ARHGEF11: variants seen among roughly 807,000 people sequenced by gnomAD.
ARHGEF11 encodes Rho guanine exchange factor (GEF) 11.
ARHGEF11 carries 55 observed loss-of-function variants against 193.7 expected under a neutral mutation model. That is an observed-to-expected ratio of 0.28 (90% CI 0.23 to 0.36). ARHGEF11 has a LOEUF of 0.36. Ranked by LOEUF, ARHGEF11 falls within the 10% of genes least tolerant of loss-of-function variation. The pLI is 1.00. For synonymous variants in ARHGEF11, 693 were observed against 768.0 expected, an observed-to-expected ratio of 0.90 and a Z score of 1.62; for missense variants, 1,723 against 2,005.6, an observed-to-expected ratio of 0.86 and a Z score of 2.69.
intron 1 of ARHGEF11, among the ~76,000 whole-genome samples, chr1:156,999,035 C>A: frequency 6.6e-6 from 1 of 152,114 alleles, no homozygotes; most frequent in East Asian, 1.9e-4. Context: ...TGGAGGCTGC[C>A]CCAGCAGGAG....
chr1:156,976,822 T>C (rs1413906241), intron 7 of ARHGEF11, among the ~76,000 whole-genome samples, 161 bp downstream of exon 7: 1 of 152,264 alleles, frequency 6.6e-6, no homozygotes, highest in Non-Finnish European at 1.5e-5. Flanking sequence ...CAAATTCTAC[T>C]GGCCAATGAC....
intron 1 of ARHGEF11, among the ~76,000 whole-genome samples, chr1:157,007,268 G>A (rs1485187686): frequency 1.3e-5 from 2 of 152,182 alleles, no homozygotes; most frequent in Non-Finnish European, 2.9e-5. Flanking sequence ...AGAATAAAAT[G>A]GCTGGGGATA....
chr1:156,971,252 T>G (rs558371304), intron 8 of ARHGEF11, among the ~76,000 whole-genome samples: 2 of 152,234 alleles, frequency 1.3e-5, no homozygotes, highest in Non-Finnish European at 2.9e-5. Flanking sequence ...GGGTCTTTTA[T>G]GTAGTCTGAC....
intron 1 of ARHGEF11, 67 bp downstream of exon 1, chr1:157,044,232 T>C: frequency 2.0e-6 from 3 of 1,480,712 alleles, no homozygotes; most frequent in Non-Finnish European, 2.8e-6. Context: ...TTTATTAAAA[T>C]GCAACACCAC....
At chr1:156,991,710 ATTTTTTTT>A (rs57140356) in intron 1 of ARHGEF11, among the ~76,000 whole-genome samples, 1 of 83,956 alleles carries the variant, frequency 1.2e-5, no homozygotes, top group Non-Finnish European at 2.3e-5. Flanking sequence ...TTTCAAGCTT[ATTTTTTTT>A]TTTTTTTTTT....
chr1:156,939,673 G>C lies in ARHGEF11; in HGVS notation c.3971C>G (p.Ser1324Cys). 1.2e-6 allele frequency: 2 copies of C among 1,614,052 alleles called. No individual in the cohort carries two copies. The highest frequency in any genetic ancestry group is 1.7e-6 in the Non-Finnish European group (2 of 1,180,034). Reference protein sequence around the residue: ...RPEQEDMGLCSLEHLPPRTRN... With the variant: ...RPEQEDMGLCCLEHLPPRTRN... ...GGTCCTTGGGGGTAGGTGTTCCAGA[G>C]AACAGAGACCCATGTCTTCCTGCTC... The change falls in exon 37 of 41, where the codon TCT becomes TGT. Residue 1324 changes from serine (S) to cysteine (C), a missense_variant. Transcript: ENST00000368194.
At chr1:157,046,254 T>TG (rs1249597668), upstream of ARHGEF11, among the ~76,000 whole-genome samples, 23 of 135,188 alleles carry the variant, frequency 1.7e-4, no homozygotes, top group Non-Finnish European at 3.1e-4. Context: ...CCGCCACCCC[T>TG]GCCGCCTTTT....
intron 1 of ARHGEF11, among the ~76,000 whole-genome samples, chr1:157,019,200 A>G (rs1168326997): frequency 6.6e-6 from 1 of 152,216 alleles, no homozygotes; most frequent in East Asian, 1.9e-4. Flanking sequence ...TGCAAATTTA[A>G]ACAAGTTTTA....
chr1:157,040,073 C>A (rs866433806), intron 1 of ARHGEF11, among the ~76,000 whole-genome samples: 1 of 152,148 alleles, frequency 6.6e-6, no homozygotes, highest in Non-Finnish European at 1.5e-5. Context: ...AATAAAAGGG[C>A]ACTCTTTCAG....
At chr1:157,006,579 T>C (rs1345652819) in intron 1 of ARHGEF11, among the ~76,000 whole-genome samples, 1 of 152,190 alleles carries the variant, frequency 6.6e-6, no homozygotes, top group East Asian at 1.9e-4. Flanking sequence ...TGCTCTCTGA[T>C]CCTGTGTGCC....
rs767137959 is a variant in ARHGEF11 at position 156,944,315 on chromosome 1, C to A, written c.3067+43G>T. The A allele has an allele frequency of 2.8e-5, 45 of 1,597,550 alleles. No homozygotes were observed. The Middle Eastern group carries it at 5.0e-4, about 18-fold the overall frequency. Reference sequence around the variant, plus strand: ...AGACAGAAGAGCCCAGGGAGGCCCACCCACTACAGGTTCCTGCTCAGTCCC... The same window carrying A: ...AGACAGAAGAGCCCAGGGAGGCCCAACCACTACAGGTTCCTGCTCAGTCCC... On this transcript the variant is annotated intron_variant, in intron 31 of 40. Coordinates refer to ENST00000368194, the MANE Select transcript of ARHGEF11 (RefSeq NM_198236.3).
chr1:157,030,367 G>A (rs1470489097), intron 1 of ARHGEF11, among the ~76,000 whole-genome samples: 3 of 151,994 alleles, frequency 2.0e-5, no homozygotes, highest in African/African-American at 4.8e-5. Context: ...CAGCCCCAGC[G>A]TGCCACTCTC....
At chr1:156,998,052 C>G (rs1315387247) in intron 1 of ARHGEF11, among the ~76,000 whole-genome samples, 1 of 152,174 alleles carries the variant, frequency 6.6e-6, no homozygotes. Context: ...CCAGGAACTT[C>G]TGTCTCCCAC....
chr1:156,955,940 T>G (rs887016813), intron 19 of ARHGEF11, 141 bp from the exon 20 acceptor site: 1 of 719,790 alleles, frequency 1.4e-6, no homozygotes, highest in Non-Finnish European at 2.5e-6. Flanking sequence ...CTAACAAGCA[T>G]GTTCGCCTCT....
intron 1 of ARHGEF11, among the ~76,000 whole-genome samples, chr1:157,039,044 T>A (rs1213821654): frequency 6.6e-6 from 1 of 152,196 alleles, no homozygotes; most frequent in East Asian, 1.9e-4. Context: ...AAAACCACCT[T>A]CCAAATCCTA....
rs188471837 is a variant in ARHGEF11, at chr1:156,969,535, C to T, written c.749-177G>A. ...TAGACTCGGACACTTCCCGGCACAC[C>T]TCCCCTCTGCTCTCATCACATCTAG... is the stretch of plus-strand genomic sequence containing the variant. On this transcript the variant is annotated intron_variant, in intron 9 of 40. Coordinates refer to ENST00000368194, the MANE Select transcript of ARHGEF11 (RefSeq NM_198236.3). Among the ~76,000 whole-genome samples the T allele has an allele frequency of 2.4e-4, 36 of 152,282 alleles. No homozygotes were observed. In the East Asian group the frequency reaches 6.9e-3, roughly 29 times the overall value.
At chr1:157,023,483 AG>A (rs1312421934) in intron 1 of ARHGEF11, among the ~76,000 whole-genome samples, 2 of 152,190 alleles carry the variant, frequency 1.3e-5, no homozygotes, top group South Asian at 2.1e-4. Flanking sequence ...GACAGATAAT[AG>A]GCCAGGCACG....
chr1:156,979,425 G>C, intron 4 of ARHGEF11, 139 bp from the exon 5 acceptor site: 1 of 606,426 alleles, frequency 1.6e-6, no homozygotes, highest in Non-Finnish European at 2.9e-6. Context: ...GAGTGCAGTG[G>C]CCCATCTCGG....
intron 17 of ARHGEF11, among the ~76,000 whole-genome samples, chr1:156,958,243 C>T (rs902328153): frequency 6.6e-6 from 1 of 152,242 alleles, no homozygotes; most frequent in South Asian, 2.1e-4. Flanking sequence ...TCGAAAATGG[C>T]GCTAGAAAAA....
Sources: allele counts gnomAD v4.1 joint callset (sites outside exome capture counted in the v4.1 genomes callset), GRCh38; gene constraint gnomAD v4.1.1; transcripts MANE v1.5; gene names NCBI Gene and HGNC (gene_info 2026-07-23, HGNC 2026-07-21).